SH2D3A: variants seen among roughly 807,000 people sequenced by gnomAD.
The protein encoded by SH2D3A is SH2 domain containing 3A.
SH2D3A carries 46 observed loss-of-function variants against 50.6 expected under a neutral mutation model. The ratio of observed to expected loss-of-function variants is 0.91; its 90% confidence interval spans 0.72 to 1.16. The LOEUF (loss-of-function observed/expected upper bound fraction) is 1.16. SH2D3A is among the 50% of genes most tolerant of loss of function. The probability of loss-of-function intolerance (pLI) is 0.00; values close to 1 mark genes in which losing one functional copy is unlikely to be tolerated. For missense variants in SH2D3A, 783 were observed against 786.2 expected (o/e 1.00, Z 0.05); for synonymous variants, 377 against 348.4 (o/e 1.08, Z -0.91).
At chr19:6,760,330 C>T (rs1363184230) in intron 3 of SH2D3A, among the ~76,000 whole-genome samples, 10 of 152,030 alleles carry the variant, frequency 6.6e-5, no homozygotes, top group African/African-American at 1.7e-4. Context: ...GGGCTGAGAT[C>T]GTGCCATTGC....
chr19:6,753,371 C>A, intron 9 of SH2D3A, 85 bp downstream of exon 9: 1 of 1,406,108 alleles, frequency 7.1e-7, no homozygotes. Flanking sequence ...AGGCTCCCCT[C>A]CTGGGACAGG....
chr19:6,753,984 A>C, intron 8 of SH2D3A, 68 bp downstream of exon 8: 1 of 1,492,082 alleles, frequency 6.7e-7, no homozygotes, highest in Non-Finnish European at 9.0e-7. Flanking sequence ...TGGGCATAGG[A>C]CTAGATTGAG....
At chr19:6,759,938 G>C (rs770455362) in intron 3 of SH2D3A, among the ~76,000 whole-genome samples, 2 of 151,954 alleles carry the variant, frequency 1.3e-5, no homozygotes, top group East Asian at 1.9e-4. Context: ...AAGAATGTTC[G>C]GGCCTCAAAA....
At chr19:6,762,890 A>C (rs1475658070) in intron 2 of SH2D3A, among the ~76,000 whole-genome samples, 1 of 151,824 alleles carries the variant, frequency 6.6e-6, no homozygotes, top group Non-Finnish European at 1.5e-5. Context: ...GGTCACATAC[A>C]ATATAAATTG....
At chr19:6,754,201 T>G (rs368365174) in intron 7 of SH2D3A, 38 bp from the exon 8 acceptor site, 3 of 1,608,266 alleles carry the variant, frequency 1.9e-6, no homozygotes, top group Non-Finnish European at 2.5e-6. Context: ...CTCTCCAGTC[T>G]TCCCAGTCAC....
At position 6,760,885 on chromosome 19, in the gene SH2D3A, G is replaced by A. The variant is rs988182316; in HGVS notation, c.172C>T (p.Leu58Phe). The A allele has an allele frequency of 3.1e-6, 5 of 1,614,104 alleles. No homozygotes were observed. Among genetic ancestry groups the A allele is most frequent in the Non-Finnish European group, 2.5e-6 (3 of 1,180,042 alleles). Reference sequence around the variant, plus strand: ...GCCACACGGAACACCTCAAAATGGAGGGCTGAGCCCCGCCAGCGGCAGGAG... The same window carrying A: ...GCCACACGGAACACCTCAAAATGGAAGGCTGAGCCCCGCCAGCGGCAGGAG... ...VISCRWRGSA[L>F]HFEVFRVALR... Residue 58 changes from leucine to phenylalanine, a missense_variant, in exon 3 of 10, where the codon CTC (leucine) becomes TTC (phenylalanine). Coordinates refer to ENST00000245908, the MANE Select transcript of SH2D3A (RefSeq NM_005490.3).
At chr19:6,753,965 T>C (rs1969488267) in intron 8 of SH2D3A, 87 bp downstream of exon 8, 4 of 1,432,076 alleles carry the variant, frequency 2.8e-6, no homozygotes, top group Non-Finnish European at 3.7e-6. Context: ...CTAGAACAGA[T>C]GCAGGGACTG....
At chr19:6,756,204 CATT>C (rs894035767) in intron 4 of SH2D3A, among the ~76,000 whole-genome samples, 6 of 146,636 alleles carry the variant, frequency 4.1e-5, no homozygotes, top group African/African-American at 1.2e-4. Flanking sequence ...ATAAAATTAA[CATT>C]ATTAAATGTA....
In SH2D3A at chr19:6,753,216, G is replaced by C. The variant is rs993321271; in HGVS notation, c.1570+240C>G. The C allele has an allele frequency of 6.1e-6, 6 of 985,258 alleles. No homozygotes were observed. In the African/African-American group the frequency reaches 7.0e-5, roughly 11 times the overall value. The allele number at this position is 985,258 out of a possible 1,614,324, so 61.0% of individuals were successfully genotyped here. On this transcript the variant is annotated intron_variant, in intron 9 of 9. Transcript: ENST00000245908. ...GGAAGGGGGAGTGGGGACCCGCGGA[G>C]GTGGCTCTGGGGGCAGGACAGCCCG...
chr19:6,760,654 G>T lies in SH2D3A; in HGVS notation c.403C>A (p.Arg135=). ...TGTGAGTACCTGAGAGGCTCTATCC[G>T]AGCTGGGCCATCCATCAGGGTGTCC... ...SEDTLMDGPA[R]IEPLRARKWS... Residue 135 remains arginine (R), a synonymous_variant, in exon 3 of 10, where the codon CGG becomes AGG. Transcript: ENST00000245908. 1 of 1,590,126 alleles carries T rather than the reference G, an allele frequency of 6.3e-7. No homozygotes were observed. Among genetic ancestry groups the T allele is most frequent in the Non-Finnish European group, 8.6e-7 (1 of 1,165,106 alleles).
In SH2D3A at chr19:6,754,433, G is replaced by A; in HGVS notation, c.1098-8C>T. ...AGCGCCAGTGTCTGATGCCTGCAGA[G>A]GTGGAGGGCAAGGGTCTGGGGGAAG... On this transcript the variant is annotated splice_region_variant and splice_polypyrimidine_tract_variant and intron_variant, in intron 6 of 9. Coordinates refer to ENST00000245908, the MANE Select transcript of SH2D3A (RefSeq NM_005490.3). 1 of 1,529,556 alleles carries A rather than the reference G, an allele frequency of 6.5e-7. No individual in the cohort carries two copies. The highest frequency in any genetic ancestry group is 8.7e-7 in the Non-Finnish European group (1 of 1,147,838). The allele number at this position is 1,529,556 out of a possible 1,614,324, so 94.7% of individuals were successfully genotyped here.
rs370715723 is a variant in SH2D3A at position 6,755,180 on chromosome 19, G to A, written c.632C>T (p.Thr211Met). The change falls in exon 5 of 10, where the codon ACG becomes ATG. Residue 211 changes from threonine (T) to methionine (M), a missense_variant. Coordinates refer to ENST00000245908, the MANE Select transcript of SH2D3A (RefSeq NM_005490.3). ...GAAGGAGGGTGTCCGGGGGGGCTTCGTTGGTGCCTTGGCTTGAAGCTGCCC... is the reference window on the plus strand; with the variant it reads ...GAAGGAGGGTGTCCGGGGGGGCTTCATTGGTGCCTTGGCTTGAAGCTGCCC... ...SDGQLQAKAP[T>M]KPPRTPSFEL... 306 of 1,597,378 alleles carry A rather than the reference G, an allele frequency of 1.9e-4. 1 individual carries two copies. In the South Asian group the frequency reaches 2.5e-3, roughly 13 times the overall value.
At chr19:6,757,500 TTGAA>T (rs1326778517) in intron 4 of SH2D3A, 2 of 152,080 alleles carry the variant, frequency 1.3e-5, no homozygotes, top group East Asian at 1.9e-4. Flanking sequence ...CATTTTTTGG[TTGAA>T]TGAACAGCTT....
Position 6,760,858 on chromosome 19 carries a change from G to A in SH2D3A, c.199C>T (p.Leu67=). 2 of 1,614,260 alleles carry A rather than the reference G, an allele frequency of 1.2e-6. No homozygotes were observed. Among genetic ancestry groups the A allele is most frequent in the African/African-American group, 1.3e-5 (1 of 75,084 alleles). The change falls in exon 3 of 10, where the codon CTG becomes TTG. Residue 67 remains leucine (L), a synonymous_variant. Coordinates refer to ENST00000245908, the MANE Select transcript of SH2D3A (RefSeq NM_005490.3). ...ALHFEVFRVA[L]RPRPGRPTAL... is the part of the protein sequence containing the mutation. Reference sequence around the variant, plus strand: ...GTGGGTCGGCCTGGCCGGGGACGCAGGGCCACACGGAACACCTCAAAATGG... The same window carrying A: ...GTGGGTCGGCCTGGCCGGGGACGCAAGGCCACACGGAACACCTCAAAATGG...
At chr19:6,759,731 T>A in intron 3 of SH2D3A, 61 bp from the exon 4 acceptor site, 1 of 1,529,994 alleles carries the variant, frequency 6.5e-7, no homozygotes, top group South Asian at 1.1e-5. Flanking sequence ...CCCACCAATA[T>A]CTGCAAAACC....
chr19:6,754,503 AT>A, intron 6 of SH2D3A, 78 bp from the exon 7 acceptor site: 3 of 1,554,802 alleles, frequency 1.9e-6, no homozygotes, highest in Non-Finnish European at 2.6e-6. Context: ...AGGAGGTGGC[AT>A]TGCCCCATCT....
rs1348808073 is a variant in SH2D3A, at chr19:6,754,166, G to C, written c.1273-3C>G. ...CACGTGTGCTCCAACCGGGACACCTGGGAGAAGAGATCTGAGCACGCCTCC... is the reference window on the plus strand; with the variant it reads ...CACGTGTGCTCCAACCGGGACACCTCGGAGAAGAGATCTGAGCACGCCTCC... On this transcript the variant is annotated splice_region_variant and splice_polypyrimidine_tract_variant and intron_variant, in intron 7 of 9. Coordinates refer to ENST00000245908, the MANE Select transcript of SH2D3A (RefSeq NM_005490.3). 6.2e-7 allele frequency: 1 copy of C among 1,612,440 alleles called. No homozygotes were observed. Among genetic ancestry groups the C allele is most frequent in the East Asian group, 2.2e-5 (1 of 44,860 alleles).
At chr19:6,756,859 C>T (rs934620552) in intron 4 of SH2D3A, among the ~76,000 whole-genome samples, 38 of 151,894 alleles carry the variant, frequency 2.5e-4, no homozygotes, top group African/African-American at 8.9e-4. Flanking sequence ...TCCCTCCCTT[C>T]GTTCCTTCCT....
At chr19:6,753,947 G>A in intron 8 of SH2D3A, 105 bp downstream of exon 8, 2 of 1,352,166 alleles carry the variant, frequency 1.5e-6, no homozygotes, top group South Asian at 1.5e-5. Flanking sequence ...ATGGTGAAGG[G>A]ACCGGGCCTA....
Sources: allele counts gnomAD v4.1 joint callset (sites outside exome capture counted in the v4.1 genomes callset), GRCh38; gene constraint gnomAD v4.1.1; transcripts MANE v1.5; gene names NCBI Gene and HGNC (gene_info 2026-07-23, HGNC 2026-07-21).